The following ZNF536 variants were observed in gnomAD, a reference collection of about 807,000 sequenced individuals.
ZNF536 encodes the protein zinc finger protein 536.
Under a neutral mutation model 84.5 loss-of-function variants are expected in ZNF536, and 13 were observed. The ratio of observed to expected loss-of-function variants is 0.15; its 90% CI spans 0.10 to 0.24. The LOEUF (loss-of-function observed/expected upper bound fraction) is 0.24. ZNF536 is among the 10% of genes least tolerant of loss of function. The probability of loss-of-function intolerance (pLI) is 1.00; values close to 1 mark genes in which losing one functional copy is unlikely to be tolerated. For missense variants in ZNF536, 1,536 were observed against 1,747.5 expected, an observed-to-expected ratio of 0.88 and a Z score of 2.16; for synonymous variants, 811 against 742.5, an observed-to-expected ratio of 1.09 and a Z score of -1.50.
chr19:30,519,887 A>G (rs2044248372), intron 2 of ZNF536, among the ~76,000 whole-genome samples: 1 of 152,238 alleles, frequency 6.6e-6, no homozygotes, highest in African/African-American at 2.4e-5. Flanking sequence ...GCAGAGACAG[A>G]TATTAATCAC....
At chr19:30,489,364 G>A (rs2054419097) in intron 2 of ZNF536, among the ~76,000 whole-genome samples, 1 of 152,162 alleles carries the variant, frequency 6.6e-6, no homozygotes, top group Non-Finnish European at 1.5e-5. Context: ...AGGATTCCTT[G>A]AGACCAGGAG....
At chr19:30,632,377 G>A (rs990199509) in intron 1 of ZNF536, among the ~76,000 whole-genome samples, 4 of 152,132 alleles carry the variant, frequency 2.6e-5, no homozygotes, top group African/African-American at 9.7e-5. Flanking sequence ...AGGCCAAGGC[G>A]GGAGGATCAC....
At chr19:30,570,268 T>C (rs1251859034) in intron 1 of ZNF536, among the ~76,000 whole-genome samples, 2 of 152,150 alleles carry the variant, frequency 1.3e-5, no homozygotes, top group Admixed American at 1.3e-4. Flanking sequence ...TCCTGTCACC[T>C]TCAGACCTCA....
chr19:30,475,295 GC>G (rs1477945237), intron 2 of ZNF536, among the ~76,000 whole-genome samples: 1 of 151,978 alleles, frequency 6.6e-6, no homozygotes, highest in Non-Finnish European at 1.5e-5. Context: ...ATTTCTCTTA[GC>G]CCTGTTCCTG....
chr19:30,325,484 T>C (rs561437013), intron 2 of ZNF536, among the ~76,000 whole-genome samples: 1 of 152,242 alleles, frequency 6.6e-6, no homozygotes, highest in Admixed American at 6.5e-5. Context: ...ACATGTGTTT[T>C]GTCAGTGTCT....
At chr19:30,516,205 T>C (rs901336360) in intron 2 of ZNF536, among the ~76,000 whole-genome samples, 4 of 151,930 alleles carry the variant, frequency 2.6e-5, no homozygotes, top group African/African-American at 7.3e-5. Flanking sequence ...ATGAGGACCA[T>C]AGAGAGAACT....
chr19:30,346,493 C>G (rs2047746629), intron 2 of ZNF536, among the ~76,000 whole-genome samples: 1 of 152,148 alleles, frequency 6.6e-6, no homozygotes, highest in Non-Finnish European at 1.5e-5. Context: ...CCTCCTCCCA[C>G]CCTCCACCCT....
intron 1 of ZNF536, among the ~76,000 whole-genome samples, chr19:30,653,761 G>T (rs539441461): frequency 1.3e-5 from 2 of 152,206 alleles, no homozygotes; most frequent in East Asian, 1.9e-4. Flanking sequence ...TCCCTTCTCC[G>T]CCAAGGGGTC....
chr19:30,542,513 G>A (rs976010897), intron 3 of ZNF536, among the ~76,000 whole-genome samples: 2 of 152,040 alleles, frequency 1.3e-5, no homozygotes, highest in Admixed American at 6.6e-5. Flanking sequence ...GATGAACTGC[G>A]GCCTTTTAAT....
intron 2 of ZNF536, among the ~76,000 whole-genome samples, chr19:30,467,052 G>A (rs1247900452): frequency 1.3e-5 from 2 of 152,136 alleles, no homozygotes; most frequent in African/African-American, 4.8e-5. Flanking sequence ...TGTTGGCCAG[G>A]CTGGTCTCGA....
rs2046679661 is a variant in ZNF536 at position 30,574,988 on chromosome 19, G to A, written c.169+25474G>A. On this transcript the variant is annotated intron_variant, in intron 1 of 1. Coordinates refer to the ZNF536 transcript ENST00000592773. ...GGGCTGTAGTTCGTCATCTGGGTTTGTCAGTCTACACTGGGACAGGTCTAC... is the reference window on the plus strand; with the variant it reads ...GGGCTGTAGTTCGTCATCTGGGTTTATCAGTCTACACTGGGACAGGTCTAC... 2.0e-5 allele frequency among the ~76,000 whole-genome samples: 3 copies of A among 152,046 alleles called. No individual in the cohort carries two copies. In the South Asian group the frequency reaches 6.2e-4, roughly 32 times the overall value.
At chr19:30,464,158 C>G (rs1409849116) in intron 2 of ZNF536, among the ~76,000 whole-genome samples, 2 of 152,212 alleles carry the variant, frequency 1.3e-5, no homozygotes, top group African/African-American at 4.8e-5. Flanking sequence ...TGGCCAGCAC[C>G]TGCAAAGTGA....
intron 1 of ZNF536, among the ~76,000 whole-genome samples, chr19:30,383,925 CT>C (rs2049179894): frequency 4.3e-5 from 2 of 46,220 alleles, no homozygotes; most frequent in Non-Finnish European, 8.6e-5. Context: ...TTTCCCTTCC[CT>C]TCCCTTCCCT....
chr19:30,548,292 T>G lies in ZNF536; in HGVS notation c.2673T>G (p.Pro891=). Residue 891 remains proline, a synonymous_variant, in exon 4 of 5, where the codon CCT becomes CCG. Transcript: ENST00000355537. ...PSDALKGTDL[P]SKSTHFSEIG... ...ATGCTCTGAAAGGCACTGACCTTCC[T>G]TCCAAAAGCACCCACTTCTCTGAGA... 4 of 1,614,248 alleles carry G rather than the reference T, an allele frequency of 2.5e-6. No homozygotes were observed. The highest frequency in any genetic ancestry group is 3.4e-6 in the Non-Finnish European group (4 of 1,180,048).
At chr19:30,232,817 G>A (rs1216183370) in intron 1 of ZNF536, among the ~76,000 whole-genome samples, 1 of 152,182 alleles carries the variant, frequency 6.6e-6, no homozygotes, top group Non-Finnish European at 1.5e-5. Flanking sequence ...TGCGTTGTAG[G>A]ATGTTTGGGA....
intron 1 of ZNF536, among the ~76,000 whole-genome samples, chr19:30,245,078 G>C (rs1011542335): frequency 1.7e-4 from 26 of 152,024 alleles, no homozygotes; most frequent in African/African-American, 6.0e-4. Context: ...AGCCTCACTG[G>C]TCTCCTTTCA....
At chr19:30,278,258 G>A (rs902747747) in intron 1 of ZNF536, among the ~76,000 whole-genome samples, 2 of 152,174 alleles carry the variant, frequency 1.3e-5, no homozygotes, top group African/African-American at 2.4e-5. Flanking sequence ...AGCTTCCCAG[G>A]GAAAGGCAAG....
chr19:30,683,333 G>A (rs1415183157), intron 1 of ZNF536, among the ~76,000 whole-genome samples: 1 of 152,222 alleles, frequency 6.6e-6, no homozygotes, highest in East Asian at 1.9e-4. Context: ...ATTTGACCAT[G>A]AGCTCTAAGT....
chr19:30,371,823 T>C (rs1416911821), upstream of ZNF536, among the ~76,000 whole-genome samples: 1 of 151,590 alleles, frequency 6.6e-6, no homozygotes, highest in African/African-American at 2.4e-5. Flanking sequence ...TATATGCATA[T>C]ATATGTGTGT....
Sources: allele counts gnomAD v4.1 joint callset (sites outside exome capture counted in the v4.1 genomes callset), GRCh38; gene constraint gnomAD v4.1.1; transcripts MANE v1.5; gene names NCBI Gene and HGNC (gene_info 2026-07-23, HGNC 2026-07-21).